IPMK: variants seen among roughly 807,000 people sequenced by gnomAD.
IPMK encodes the protein inositol polyphosphate multikinase, also known as inositol 1,3,4,6-tetrakisphosphate 5-kinase.
IPMK carries 17 observed loss-of-function variants against 45.8 expected under a neutral mutation model. The ratio of observed to expected loss-of-function variants is 0.37; its 90% CI spans 0.25 to 0.56. IPMK has a LOEUF of 0.56. Among genes scored for constraint, IPMK ranks in the 20% least tolerant of loss-of-function variants. IPMK has a pLI of 0.79. For missense variants in IPMK, 399 were observed against 498.0 expected, an observed-to-expected ratio of 0.80 and a Z score of 1.89; for synonymous variants, 180 against 184.3, an observed-to-expected ratio of 0.98 and a Z score of 0.19.
At position 58,196,631 on chromosome 10, in the gene IPMK, C is replaced by T; in HGVS notation, c.696G>A (p.Lys232=). ...CAAACCACTGCAGAATTTTCTCAAT[C>T]TTCTGAATACTGGCAGCAACAGCAT... The part of the protein sequence containing the change: ...RKDAVAASIQ[K]IEKILQWFEN... The change falls in exon 6 of 6, where the codon AAG becomes AAA. Residue 232 remains lysine, a synonymous_variant. Transcript: ENST00000373935. The T allele has an allele frequency of 6.2e-7, 1 of 1,613,556 alleles. No individual in the cohort carries two copies. The highest frequency in any genetic ancestry group is 8.5e-7 in the Non-Finnish European group (1 of 1,179,684).
chr10:58,244,612 G>A (rs1838766863), intron 1 of IPMK, among the ~76,000 whole-genome samples: 1 of 149,366 alleles, frequency 6.7e-6, no homozygotes. Flanking sequence ...AGGGGGAAAT[G>A]TGGGGAAAAG....
chr10:58,243,717 A>AC (rs1386447521), intron 1 of IPMK, among the ~76,000 whole-genome samples: 2 of 152,138 alleles, frequency 1.3e-5, no homozygotes, highest in African/African-American at 4.8e-5. Flanking sequence ...TCGGCTCGCT[A>AC]CAACCTCCAC....
At chr10:58,256,589 T>G (rs1210785163) in intron 1 of IPMK, among the ~76,000 whole-genome samples, 1 of 152,192 alleles carries the variant, frequency 6.6e-6, no homozygotes, top group Non-Finnish European at 1.5e-5. Context: ...TTGAAGCATG[T>G]GATCTTTGTG....
chr10:58,248,694 C>T (rs1206012255), intron 1 of IPMK, among the ~76,000 whole-genome samples: 3 of 152,208 alleles, frequency 2.0e-5, no homozygotes, highest in Non-Finnish European at 4.4e-5. Context: ...CTTCATTCCT[C>T]CCAACAACCT....
At chr10:58,246,837 CAA>C (rs1439211917) in intron 1 of IPMK, among the ~76,000 whole-genome samples, 2 of 151,684 alleles carry the variant, frequency 1.3e-5, no homozygotes, top group Non-Finnish European at 2.9e-5. Flanking sequence ...TTCTGCACAG[CAA>C]AAGACACTAC....
chr10:58,248,477 T>C (rs1465599569), intron 1 of IPMK, among the ~76,000 whole-genome samples: 1 of 152,254 alleles, frequency 6.6e-6, no homozygotes, highest in Non-Finnish European at 1.5e-5. Flanking sequence ...TTTTGATATG[T>C]GCTTACAATG....
chr10:58,263,904 T>G (rs1839111203), intron 1 of IPMK, among the ~76,000 whole-genome samples: 1 of 152,112 alleles, frequency 6.6e-6, no homozygotes, highest in African/African-American at 2.4e-5. Context: ...AAAATGACAA[T>G]GTCATAAAGG....
At chr10:58,205,413 C>G (rs1051280977) in intron 4 of IPMK, among the ~76,000 whole-genome samples, 3 of 152,010 alleles carry the variant, frequency 2.0e-5, no homozygotes, top group Non-Finnish European at 4.4e-5. Context: ...TGAAAAGATG[C>G]TCAACATCAT....
chr10:58,212,525 C>A, intron 4 of IPMK: 2 of 201,216 alleles, frequency 9.9e-6, no homozygotes, highest in South Asian at 2.4e-4. Flanking sequence ...AAGTAATTGC[C>A]GAATTTGTTA....
rs567353678 is a variant in IPMK at position 58,213,511 on chromosome 10, C to T, written c.546+2634G>A. On this transcript the variant is annotated intron_variant, in intron 4 of 5. Coordinates refer to ENST00000373935, the MANE Select transcript of IPMK (RefSeq NM_152230.5). ...CATCCTGGCTAACATGGTGAAATCCCATATCTACTAAAAAAAATACTAAAA... is the reference window on the plus strand; with the variant it reads ...CATCCTGGCTAACATGGTGAAATCCTATATCTACTAAAAAAAATACTAAAA... Among the ~76,000 whole-genome samples the T allele has an allele frequency of 1.8e-4, 28 of 152,112 alleles. 1 individual carries two copies. The South Asian group carries it at 5.0e-3, about 27-fold the overall frequency.
intron 2 of IPMK, among the ~76,000 whole-genome samples, chr10:58,228,019 G>T (rs1180802826): frequency 6.6e-6 from 1 of 151,804 alleles, no homozygotes; most frequent in Non-Finnish European, 1.5e-5. Context: ...AAACTCAAGT[G>T]TGGCAGACTC....
At chr10:58,202,861 AAGG>A (rs552202953) in intron 4 of IPMK, among the ~76,000 whole-genome samples, 166 of 152,308 alleles carry the variant, frequency 1.1e-3, no homozygotes, top group African/African-American at 3.9e-3. Context: ...GATGATGTAC[AAGG>A]AGATTAATAT....
intron 1 of IPMK, among the ~76,000 whole-genome samples, chr10:58,251,398 T>C (rs1316340950): frequency 6.6e-6 from 1 of 152,176 alleles, no homozygotes; most frequent in African/African-American, 2.4e-5. Flanking sequence ...CTTTGGGACC[T>C]AACATATGAT....
chr10:58,225,221 G>A (rs1838395566), intron 3 of IPMK, among the ~76,000 whole-genome samples: 2 of 152,122 alleles, frequency 1.3e-5, no homozygotes, highest in Non-Finnish European at 2.9e-5. Context: ...GAGAGAATTA[G>A]AGTTTATAAA....
At chr10:58,234,565 A>G (rs1489382108) in intron 2 of IPMK, among the ~76,000 whole-genome samples, 1 of 152,244 alleles carries the variant, frequency 6.6e-6, no homozygotes, top group African/African-American at 2.4e-5. Context: ...AGCAATGGGG[A>G]AAGGATTCCC....
rs573200571 is a variant in IPMK, at chr10:58,198,156, C to T, written c.628+1084G>A. Reference sequence around the variant, plus strand: ...ACCATTACTAAATACCAAACCATAACTCTACCATAACTCTACTAATTTTCA... The same window carrying T: ...ACCATTACTAAATACCAAACCATAATTCTACCATAACTCTACTAATTTTCA... On this transcript the variant is annotated intron_variant, in intron 5 of 5. Transcript: ENST00000373935. Among the ~76,000 whole-genome samples the T allele has an allele frequency of 4.6e-5, 7 of 152,308 alleles. No individual in the cohort carries two copies. The South Asian group carries it at 1.2e-3, about 27-fold the overall frequency.
chr10:58,203,670 A>C (rs1169359169), intron 4 of IPMK, among the ~76,000 whole-genome samples: 1 of 152,108 alleles, frequency 6.6e-6, no homozygotes, highest in Non-Finnish European at 1.5e-5. Flanking sequence ...GATGGAATCT[A>C]CTCCTAGTAA....
chr10:58,196,044 G>T lies in IPMK; in HGVS notation c.*32C>A. ...TGACTGCCCCTCTTCATTATGATTGGCCCACCCCTTAAAAAGACTGCAACA... is the reference window on the plus strand; with the variant it reads ...TGACTGCCCCTCTTCATTATGATTGTCCCACCCCTTAAAAAGACTGCAACA... On this transcript the variant is annotated 3_prime_UTR_variant, in exon 6 of 6. Coordinates refer to ENST00000373935, the MANE Select transcript of IPMK (RefSeq NM_152230.5). 6.3e-7 allele frequency: 1 copy of T among 1,581,626 alleles called. No individual in the cohort carries two copies. Among genetic ancestry groups the T allele is most frequent in the Non-Finnish European group, 8.6e-7 (1 of 1,161,650 alleles).
intron 1 of IPMK, among the ~76,000 whole-genome samples, chr10:58,265,053 T>C (rs1306691855): frequency 2.0e-5 from 3 of 152,212 alleles, no homozygotes; most frequent in African/African-American, 7.2e-5. Flanking sequence ...CAAAATACTT[T>C]GTATTCTTAG....
Sources: allele counts gnomAD v4.1 joint callset (sites outside exome capture counted in the v4.1 genomes callset), GRCh38; gene constraint gnomAD v4.1.1; transcripts MANE v1.5; gene names NCBI Gene and HGNC (gene_info 2026-07-23, HGNC 2026-07-21).